The following MKLN1 variants were observed in gnomAD, a reference collection of about 807,000 sequenced individuals.
MKLN1 encodes the protein muskelin 1.
MKLN1 carries 18 observed loss-of-function variants against 99.0 expected under a neutral mutation model. The ratio of observed to expected loss-of-function variants is 0.18; its 90% confidence interval spans 0.13 to 0.27. The LOEUF is 0.27. MKLN1 is among the 10% of genes least tolerant of loss of function. The probability of loss-of-function intolerance (pLI) is 1.00; values close to 1 mark genes in which losing one functional copy is unlikely to be tolerated. For missense variants in MKLN1, 621 were observed against 875.9 expected, an observed-to-expected ratio of 0.71 and a Z score of 3.67; for synonymous variants, 288 against 293.2, an observed-to-expected ratio of 0.98 and a Z score of 0.18.
chr7:131,436,310 G>A (rs879141770), intron 9 of MKLN1, among the ~76,000 whole-genome samples: 4 of 152,030 alleles, frequency 2.6e-5, no homozygotes, highest in Admixed American at 2.6e-4. Flanking sequence ...GAAACCACCA[G>A]TAGTTCTTTA....
intron 2 of MKLN1, among the ~76,000 whole-genome samples, chr7:131,195,252 T>C (rs989230911): frequency 1.3e-5 from 2 of 152,318 alleles, no homozygotes; most frequent in Admixed American, 6.5e-5. Flanking sequence ...GGCTCATGGC[T>C]GTAATCCCAG....
chr7:131,383,984 T>G (rs536842547), intron 2 of MKLN1, among the ~76,000 whole-genome samples: 5 of 152,352 alleles, frequency 3.3e-5, no homozygotes, highest in African/African-American at 1.2e-4. Flanking sequence ...AGCTTTTTGT[T>G]GTGCTTAATA....
At chr7:131,470,171 TG>T (rs1796779233) in intron 15 of MKLN1, among the ~76,000 whole-genome samples, 1 of 152,196 alleles carries the variant, frequency 6.6e-6, no homozygotes, top group South Asian at 2.1e-4. Flanking sequence ...CCTGTTTTTT[TG>T]TTTTTTTTGT....
chr7:131,215,673 A>T (rs10279448), intron 3 of MKLN1, among the ~76,000 whole-genome samples: 71,555 of 152,056 alleles, frequency 0.47, 17,959 homozygotes, highest in Admixed American at 0.57. Context: ...GATAGTCTGT[A>T]TGATATTCTT....
chr7:131,406,573 G>GT (rs1563332794), intron 6 of MKLN1, among the ~76,000 whole-genome samples: 4 of 151,422 alleles, frequency 2.6e-5, no homozygotes, highest in Non-Finnish European at 1.5e-5. Context: ...TATTTACTGG[G>GT]TTTTTTTTCT....
At chr7:131,451,309 A>G (rs1796170035) in intron 12 of MKLN1, among the ~76,000 whole-genome samples, 1 of 152,122 alleles carries the variant, frequency 6.6e-6, no homozygotes. Flanking sequence ...GACTTAACAT[A>G]TAATTACTGT....
chr7:131,217,127 C>T (rs1796994282), intron 3 of MKLN1, among the ~76,000 whole-genome samples: 1 of 151,874 alleles, frequency 6.6e-6, no homozygotes, highest in African/African-American at 2.4e-5. Flanking sequence ...TATATGAATC[C>T]CCTTATATAA....
At chr7:131,272,438 A>G (rs1797900120) in intron 3 of MKLN1, among the ~76,000 whole-genome samples, 1 of 152,218 alleles carries the variant, frequency 6.6e-6, no homozygotes, top group South Asian at 2.1e-4. Flanking sequence ...AAAGAATAAA[A>G]TATGTGACTG....
intron 1 of MKLN1, among the ~76,000 whole-genome samples, chr7:131,335,972 C>T (rs564259028): frequency 1.4e-4 from 21 of 151,068 alleles, no homozygotes; most frequent in African/African-American, 4.8e-4. Context: ...CAAATCTTCT[C>T]TATCCTTACT....
At chr7:131,240,927 G>A (rs1797392549) in intron 3 of MKLN1, among the ~76,000 whole-genome samples, 1 of 152,172 alleles carries the variant, frequency 6.6e-6, no homozygotes, top group Non-Finnish European at 1.5e-5. Flanking sequence ...AAGACAAACT[G>A]GCTAAGAGTG....
chr7:131,133,459 T>C (rs1238615701), intron 1 of MKLN1, among the ~76,000 whole-genome samples: 1 of 148,876 alleles, frequency 6.7e-6, no homozygotes, highest in Non-Finnish European at 1.5e-5. Context: ...GTTCAAGCCA[T>C]TCTCCTGCCT....
intron 3 of MKLN1, among the ~76,000 whole-genome samples, chr7:131,212,929 A>AAAC (rs1049055113): frequency 6.9e-6 from 1 of 144,288 alleles, no homozygotes; most frequent in Non-Finnish European, 1.6e-5. Context: ...GTCTCAAAAA[A>AAAC]AAAAAACAAA....
At chr7:131,332,707 C>A (rs1799114484) in intron 1 of MKLN1, among the ~76,000 whole-genome samples, 1 of 151,844 alleles carries the variant, frequency 6.6e-6, no homozygotes, top group Non-Finnish European at 1.5e-5. Context: ...GCTTTTTCCT[C>A]CTTAACATAT....
intron 1 of MKLN1, among the ~76,000 whole-genome samples, chr7:131,130,500 G>A (rs1401197567): frequency 2.0e-5 from 3 of 152,228 alleles, no homozygotes; most frequent in Non-Finnish European, 4.4e-5. Flanking sequence ...TTTCACAGAA[G>A]TGGAGCCTGA....
At chr7:131,401,115 A>T (rs1794531806) in intron 6 of MKLN1, among the ~76,000 whole-genome samples, 1 of 152,178 alleles carries the variant, frequency 6.6e-6, no homozygotes, top group African/African-American at 2.4e-5. Context: ...AGGAAGATCT[A>T]GGGAATCAAA....
At chr7:131,272,392 G>C (rs1266668639) in intron 3 of MKLN1, among the ~76,000 whole-genome samples, 1 of 152,184 alleles carries the variant, frequency 6.6e-6, no homozygotes, top group Admixed American at 6.5e-5. Flanking sequence ...TTGCAGTCAG[G>C]GTATTAGGAG....
At chr7:131,465,051 G>A (rs913538603) in intron 14 of MKLN1, among the ~76,000 whole-genome samples, 1 of 151,820 alleles carries the variant, frequency 6.6e-6, no homozygotes, top group Non-Finnish European at 1.5e-5. Flanking sequence ...AGACCTTTAG[G>A]TAAAAGATAA....
chr7:131,371,319 C>T (rs1215505187), intron 1 of MKLN1, among the ~76,000 whole-genome samples: 1 of 152,066 alleles, frequency 6.6e-6, no homozygotes, highest in Non-Finnish European at 1.5e-5. Flanking sequence ...TTATCTTTGG[C>T]ATTCTTCGGT....
intron 2 of MKLN1, among the ~76,000 whole-genome samples, chr7:131,163,210 CA>C (rs1430190667): frequency 1.3e-5 from 2 of 152,140 alleles, no homozygotes; most frequent in African/African-American, 4.8e-5. Flanking sequence ...TTAGCTGTGG[CA>C]AAAGGCTGTT....
Sources: gnomAD v4.1 joint callset for allele counts (sites outside exome capture counted in the v4.1 genomes callset) on GRCh38, gnomAD v4.1.1 for gene constraint, MANE v1.5 for transcripts, NCBI Gene and HGNC (gene_info 2026-07-23, HGNC 2026-07-21) for gene names.